The following SERPINF2 variants were observed in gnomAD, a reference collection of about 807,000 sequenced individuals.
The protein encoded by SERPINF2 is alpha-2-antiplasmin.
SERPINF2 carries 15 observed loss-of-function variants against 45.0 expected under a neutral mutation model. The observed-to-expected ratio is 0.33, with a 90% confidence interval of 0.22 to 0.51. SERPINF2 has a LOEUF of 0.51. SERPINF2 is among the 20% of genes least tolerant of loss of function. The probability of loss-of-function intolerance (pLI) is 0.97; values close to 1 mark genes in which losing one functional copy is unlikely to be tolerated. For synonymous variants in SERPINF2, 283 were observed against 277.9 expected (o/e 1.02, Z -0.18); for missense variants, 518 against 637.4 (o/e 0.81, Z 2.02).
In SERPINF2 at chr17:1,747,302, C is replaced by T. The variant is rs780484665; in HGVS notation, c.512-7C>T. The stretch of plus-strand genomic sequence containing the variant: ...CCCTGGGAACAGCTTGTGCTGCCTC[C>T]GTGCAGGATTTCCCATCAAAGAAGA... On this transcript the variant is annotated splice_polypyrimidine_tract_variant and splice_region_variant and intron_variant, in intron 6 of 9. Coordinates refer to ENST00000453066, the MANE Select transcript of SERPINF2 (RefSeq NM_000934.4). 5.0e-6 allele frequency: 8 copies of T among 1,613,530 alleles called. No homozygotes were observed. Among genetic ancestry groups the T allele is most frequent in the African/African-American group, 1.3e-5 (1 of 74,938 alleles).
At chr17:1,743,656 A>G (rs943907040) in intron 1 of SERPINF2, among the ~76,000 whole-genome samples, 29 of 143,094 alleles carry the variant, frequency 2.0e-4, no homozygotes, top group African/African-American at 7.3e-4. Context: ...TGGAGGTTGC[A>G]GTGAGCCGAG....
chr17:1,752,884 T>G, intron 9 of SERPINF2, 94 bp downstream of exon 9: 2 of 1,047,808 alleles, frequency 1.9e-6, no homozygotes, highest in Non-Finnish European at 2.8e-6. Context: ...GAGTCAGAGC[T>G]GTCCTGTGTC....
intron 1 of SERPINF2, chr17:1,744,673 C>T: frequency 5.1e-6 from 5 of 985,444 alleles, no homozygotes; most frequent in Middle Eastern, 5.2e-4. Context: ...AGATCTGATT[C>T]ACAGCGCAGG....
intron 5 of SERPINF2, 21 bp from the exon 6 acceptor site, chr17:1,746,998 A>T (rs1195939093): frequency 6.2e-7 from 1 of 1,602,272 alleles, no homozygotes; most frequent in Non-Finnish European, 8.5e-7. Context: ...GCCGGGCCTC[A>T]GCCTGTGCGG....
intron 8 of SERPINF2, among the ~76,000 whole-genome samples, chr17:1,751,477 T>A (rs1453283695): frequency 1.8e-5 from 2 of 113,504 alleles, no homozygotes; most frequent in African/African-American, 6.0e-5. Context: ...AGGCTGGGTG[T>A]GGTTTACAGG....
rs181260665 is a variant in SERPINF2 at position 1,742,930 on chromosome 17, G to A, written c.-5+22G>A. Reference sequence around the variant, plus strand: ...AGAGGTATGAGGGGAGGGGCTGCTCGGCCTGCTCCTTGGGTAGGAGAGGAG... The same window carrying A: ...AGAGGTATGAGGGGAGGGGCTGCTCAGCCTGCTCCTTGGGTAGGAGAGGAG... On this transcript the variant is annotated intron_variant, in intron 1 of 9. Transcript: ENST00000453066. The A allele has an allele frequency of 1.8e-4, 175 of 985,460 alleles. No individual in the cohort carries two copies. The East Asian group carries it at 4.6e-3, about 26-fold the overall frequency. 61.0% of individuals were successfully genotyped at this position (985,460 alleles called of 1,614,324 possible). A position where few individuals can be genotyped will look rare whatever the true frequency, so the allele number is the denominator to read the frequency against.
chr17:1,752,802 G>T lies in SERPINF2; in HGVS notation c.1063+12G>T. 1 of 1,595,896 alleles carries T rather than the reference G, an allele frequency of 6.3e-7. No individual in the cohort carries two copies. Among genetic ancestry groups the T allele is most frequent in the Non-Finnish European group, 8.5e-7 (1 of 1,171,376 alleles). ...CCTCAGCCAGCTGGGTAAGGAGGAG[G>T]GTGCGGGCGAGCCCCCGAGGTCAGG... On this transcript the variant is annotated intron_variant, in intron 9 of 9. Coordinates refer to ENST00000453066, the MANE Select transcript of SERPINF2 (RefSeq NM_000934.4).
chr17:1,747,244 G>T lies in SERPINF2; in HGVS notation c.512-65G>T, dbSNP rs570933739. On this transcript the variant is annotated intron_variant, in intron 6 of 9. Coordinates refer to ENST00000453066, the MANE Select transcript of SERPINF2 (RefSeq NM_000934.4). ...AGCAAGGGGCTGGGCCTCTGGTAGC[G>T]AGTAGGGGCGTGTCTGGCTGTGGAG... 2.2e-5 allele frequency: 36 copies of T among 1,610,166 alleles called. No homozygotes were observed. In the African/African-American group the frequency reaches 4.4e-4, roughly 20 times the overall value.
At chr17:1,744,935 T>G (rs2151187574) in intron 1 of SERPINF2, 57 bp from the exon 2 acceptor site, 2 of 1,611,682 alleles carry the variant, frequency 1.2e-6, no homozygotes, top group East Asian at 4.5e-5. Flanking sequence ...GTGGGTAGGA[T>G]TCCCTGGCGG....
At chr17:1,747,607 C>T in intron 7 of SERPINF2, 95 bp downstream of exon 7, 3 of 1,370,092 alleles carry the variant, frequency 2.2e-6, no homozygotes, top group Admixed American at 2.0e-5. Flanking sequence ...CTCTGTCACC[C>T]AGGGTGGAGC....
chr17:1,749,513 A>G (rs562902567), intron 8 of SERPINF2, among the ~76,000 whole-genome samples: 72 of 152,328 alleles, frequency 4.7e-4, no homozygotes, highest in Non-Finnish European at 9.7e-4. Context: ...CAGGAGAATC[A>G]CTTGAACCCG....
chr17:1,743,885 G>T (rs980283982), intron 1 of SERPINF2, among the ~76,000 whole-genome samples: 1 of 151,636 alleles, frequency 6.6e-6, no homozygotes, highest in Non-Finnish European at 1.5e-5. Context: ...TGTACTCAGG[G>T]TTTACAAAGA....
chr17:1,745,973 A>G lies in SERPINF2; in HGVS notation c.367+64A>G, dbSNP rs7501729. The G allele has an allele frequency of 0.74, 1,149,808 of 1,555,044 alleles. 425,846 individuals are homozygous for G. Among genetic ancestry groups the G allele is most frequent in the East Asian group, 0.86 (38,271 of 44,558 alleles). The stretch of plus-strand genomic sequence containing the variant: ...AGGCCAGTAGGAACTCAGTACTCCA[A>G]TGGTTCTCCGCGGGCGGTTCCTCCA... On this transcript the variant is annotated intron_variant, in intron 5 of 9. Coordinates refer to ENST00000453066, the MANE Select transcript of SERPINF2 (RefSeq NM_000934.4). This position sits in a 1 kb window ranked among gnomAD's most constrained non-coding sequence, Gnocchi z 6.2.
Position 1,745,982 on chromosome 17 carries a change from C to T in SERPINF2, c.367+73C>T, listed in dbSNP as rs908976492. On this transcript the variant is annotated intron_variant, in intron 5 of 9. Transcript: ENST00000453066. This position sits in a 1 kb window ranked among gnomAD's most constrained non-coding sequence, Gnocchi z 6.2. ...GGAACTCAGTACTCCAATGGTTCTCCGCGGGCGGTTCCTCCACCAGGGTCA... is the reference window on the plus strand; with the variant it reads ...GGAACTCAGTACTCCAATGGTTCTCTGCGGGCGGTTCCTCCACCAGGGTCA... 146 of 1,521,922 alleles carry T rather than the reference C, an allele frequency of 9.6e-5. No individual in the cohort carries two copies. Among genetic ancestry groups the T allele is most frequent in the South Asian group, 9.1e-4 (81 of 89,278 alleles). The allele number at this position is 1,521,922 out of a possible 1,614,324, so 94.3% of individuals were successfully genotyped here.
intron 1 of SERPINF2, among the ~76,000 whole-genome samples, chr17:1,743,881 C>CG (rs1905534917): frequency 6.6e-6 from 1 of 151,774 alleles, no homozygotes; most frequent in African/African-American, 2.4e-5. Flanking sequence ...GCATTGTACT[C>CG]AGGGTTTACA....
Position 1,745,161 on chromosome 17 carries a change from C to T in SERPINF2, c.64-14C>T, listed in dbSNP as rs759505499. 1.3e-6 allele frequency: 2 copies of T among 1,577,130 alleles called. No homozygotes were observed. Among genetic ancestry groups the T allele is most frequent in the Non-Finnish European group, 1.7e-6 (2 of 1,161,800 alleles). On this transcript the variant is annotated splice_polypyrimidine_tract_variant and intron_variant, in intron 2 of 9. Coordinates refer to ENST00000453066, the MANE Select transcript of SERPINF2 (RefSeq NM_000934.4). The surrounding 1 kb of genome is among the most constrained non-coding windows in gnomAD (Gnocchi z 6.2). ...CTCCGAGGGGACCTCCTATCCTCAT[C>T]CCTTTCTCCACAGTTCTCCCCTGTG...
In SERPINF2 at chr17:1,747,369, T is replaced by C; in HGVS notation, c.572T>C (p.Val191Ala). Residue 191 changes from valine to alanine, a missense_variant, in exon 7 of 10, where the codon GTG becomes GCG. This residue lies in a region of SERPINF2 where 435 missense variants were observed against 577.3 expected (regional missense o/e 0.75). Transcript: ENST00000453066. ...GAACAGCTATTTGGGGCAAAGCCCG[T>C]GAGCCTGACGGGAAAGCAGGAAGAT... ...QSEQLFGAKPVSLTGKQEDDL... is the reference protein window; with the variant it reads ...QSEQLFGAKPASLTGKQEDDL... The C allele has an allele frequency of 6.2e-7, 1 of 1,614,136 alleles. No homozygotes were observed. The highest frequency in any genetic ancestry group is 1.1e-5 in the South Asian group (1 of 91,084).
At chr17:1,743,963 C>T (rs1237666731) in intron 1 of SERPINF2, among the ~76,000 whole-genome samples, 1 of 150,774 alleles carries the variant, frequency 6.6e-6, no homozygotes, top group Non-Finnish European at 1.5e-5. Flanking sequence ...GTGGCGTGAT[C>T]TCGGCTCACT....
chr17:1,752,535 C>T, intron 8 of SERPINF2, 51 bp from the exon 9 acceptor site: 2 of 1,576,480 alleles, frequency 1.3e-6, no homozygotes, highest in Non-Finnish European at 1.7e-6. Context: ...CCCACCCCCA[C>T]TTAGCTTCGG....
Sources: gnomAD v4.1 joint callset for allele counts (sites outside exome capture counted in the v4.1 genomes callset) on GRCh38, gnomAD v4.1.1 for gene constraint, gnomAD v4.1.1 regional missense constraint, Gnocchi (gnomAD v3.1) non-coding constraint, MANE v1.5 for transcripts, NCBI Gene and HGNC (gene_info 2026-07-23, HGNC 2026-07-21) for gene names.